Variants in LRP1B observed in about 807,000 individuals in gnomAD.
LRP1B encodes the protein low-density lipoprotein receptor-related protein 1B.
In LRP1B, 217 loss-of-function variants were observed where a neutral mutation model predicts 556.6. That is an observed-to-expected ratio of 0.39 (90% CI 0.35 to 0.44). LRP1B has a LOEUF of 0.44. Ranked by LOEUF, LRP1B falls within the 20% of genes least tolerant of loss-of-function variation. LRP1B has a pLI of 1.00. For missense variants in LRP1B, 5,053 were observed against 5,620.8 expected, an observed-to-expected ratio of 0.90 and a Z score of 3.23; for synonymous variants, 2,047 against 1,865.8, an observed-to-expected ratio of 1.10 and a Z score of -2.50.
chr2:141,044,866 T>G (rs893569465), intron 11 of LRP1B, among the ~76,000 whole-genome samples: 1 of 151,490 alleles, frequency 6.6e-6, no homozygotes, highest in African/African-American at 2.4e-5. Context: ...GTGTGGCGAT[T>G]CCTCAGTGAT....
chr2:140,409,555 TA>T (rs1187499119), intron 66 of LRP1B, among the ~76,000 whole-genome samples: 1 of 152,058 alleles, frequency 6.6e-6, no homozygotes, highest in Non-Finnish European at 1.5e-5. Flanking sequence ...TAAATATTGT[TA>T]TAAGAAGTAT....
At chr2:141,579,723 A>ATTTTTTTTTTT (rs1559153915) in intron 2 of LRP1B, among the ~76,000 whole-genome samples, 10 of 31,140 alleles carry the variant, frequency 3.2e-4, no homozygotes, top group Admixed American at 5.0e-4. Context: ...ATCAGGTTTC[A>ATTTTTTTTTTT]CTTTTTTTTT....
chr2:141,038,262 A>G (rs532229530), intron 11 of LRP1B, among the ~76,000 whole-genome samples: 5 of 152,150 alleles, frequency 3.3e-5, no homozygotes, highest in Non-Finnish European at 7.4e-5. Flanking sequence ...AGTGGGAAAC[A>G]AGTAAGATTT....
intron 1 of LRP1B, among the ~76,000 whole-genome samples, chr2:142,117,482 C>G (rs893155248): frequency 6.6e-6 from 1 of 151,926 alleles, no homozygotes; most frequent in Non-Finnish European, 1.5e-5. Flanking sequence ...TCATTGTGAC[C>G]CAGTCCAGCC....
chr2:141,880,382 T>C (rs1332217143), intron 1 of LRP1B, among the ~76,000 whole-genome samples: 3 of 152,114 alleles, frequency 2.0e-5, no homozygotes, highest in East Asian at 1.9e-4. Context: ...TAAAATAATA[T>C]GTGAAATTAT....
At chr2:140,424,559 A>T (rs1411507993) in intron 66 of LRP1B, among the ~76,000 whole-genome samples, 2 of 152,364 alleles carry the variant, frequency 1.3e-5, no homozygotes, top group African/African-American at 4.8e-5. Context: ...GACCATCTCC[A>T]AAAACTTACA....
chr2:142,120,267 A>G (rs1041206094), intron 1 of LRP1B, among the ~76,000 whole-genome samples: 1 of 152,114 alleles, frequency 6.6e-6, no homozygotes, highest in Non-Finnish European at 1.5e-5. Flanking sequence ...ACATGCAACT[A>G]TGCCTGGCTA....
intron 7 of LRP1B, among the ~76,000 whole-genome samples, chr2:141,122,153 C>G (rs142041493): frequency 6.6e-6 from 1 of 151,902 alleles, no homozygotes; most frequent in South Asian, 2.1e-4. Context: ...AAACCCTAGA[C>G]GAAAACCTAG....
chr2:141,414,995 C>G (rs985363034), intron 3 of LRP1B, among the ~76,000 whole-genome samples: 1 of 151,954 alleles, frequency 6.6e-6, no homozygotes, highest in African/African-American at 2.4e-5. Context: ...CAGCTACACT[C>G]ATTTCTAATG....
At chr2:141,396,099 G>A (rs1244848770) in intron 3 of LRP1B, among the ~76,000 whole-genome samples, 1 of 152,072 alleles carries the variant, frequency 6.6e-6, no homozygotes, top group Non-Finnish European at 1.5e-5. Flanking sequence ...ATCTGCATTT[G>A]CACACATTTT....
intron 47 of LRP1B, among the ~76,000 whole-genome samples, chr2:140,529,843 C>T (rs1181360028): frequency 1.3e-5 from 2 of 151,940 alleles, no homozygotes; most frequent in Non-Finnish European, 2.9e-5. Flanking sequence ...AAGAGGAGTA[C>T]AAAATGACGA....
intron 3 of LRP1B, among the ~76,000 whole-genome samples, chr2:141,263,011 C>T (rs1684756663): frequency 6.6e-6 from 1 of 151,742 alleles, no homozygotes; most frequent in Non-Finnish European, 1.5e-5. Context: ...ACTGAGCCTT[C>T]TAATTAAAAA....
intron 9 of LRP1B, 99 bp downstream of exon 9, chr2:141,058,784 A>G: frequency 1.0e-6 from 1 of 959,444 alleles, no homozygotes; most frequent in South Asian, 2.8e-5. Flanking sequence ...AAAGCAGAGA[A>G]TTTATGACTC....
intron 43 of LRP1B, among the ~76,000 whole-genome samples, chr2:140,557,725 C>T (rs1680785889): frequency 6.6e-6 from 1 of 152,148 alleles, no homozygotes; most frequent in African/African-American, 2.4e-5. Flanking sequence ...AAAATATTCA[C>T]ACAACCATCT....
chr2:140,533,149 A>G (rs919657185), intron 47 of LRP1B, among the ~76,000 whole-genome samples: 2 of 151,846 alleles, frequency 1.3e-5, no homozygotes, highest in African/African-American at 4.8e-5. Context: ...AAGGCTTTCA[A>G]TGTCAGACTA....
chr2:141,142,407 AG>A (rs1257179567), intron 7 of LRP1B, among the ~76,000 whole-genome samples: 3 of 152,282 alleles, frequency 2.0e-5, no homozygotes, highest in African/African-American at 7.2e-5. Context: ...CCATTGTGAA[AG>A]GTCCTTTCTT....
At chr2:140,898,864 A>G (rs1864277) in intron 23 of LRP1B, 400,223 of 435,778 alleles carry the variant, frequency 0.92, 184,819 homozygotes, top group South Asian at 0.97. Flanking sequence ...TATACCTGAC[A>G]TAGTAGGAGA....
At chr2:141,280,877 A>G (rs1019201553) in intron 3 of LRP1B, among the ~76,000 whole-genome samples, 9 of 151,994 alleles carry the variant, frequency 5.9e-5, no homozygotes, top group African/African-American at 2.2e-4. Flanking sequence ...TTGCCAAATA[A>G]AGGTGCAGCC....
At chr2:140,530,025 T>C (rs1690619372) in intron 47 of LRP1B, among the ~76,000 whole-genome samples, 1 of 152,056 alleles carries the variant, frequency 6.6e-6, no homozygotes, top group Admixed American at 6.6e-5. Context: ...TGCAACACCC[T>C]TTCTACTCTG....
Sources: gnomAD v4.1 joint callset for allele counts (sites outside exome capture counted in the v4.1 genomes callset) on GRCh38, gnomAD v4.1.1 for gene constraint, MANE v1.5 for transcripts, NCBI Gene and HGNC (gene_info 2026-07-23, HGNC 2026-07-21) for gene names.